Variants in ADAMTS6 observed in about 807,000 individuals in gnomAD.
ADAMTS6 encodes A disintegrin and metalloproteinase with thrombospondin motifs 6.
ADAMTS6 carries 23 observed loss-of-function variants against 144.3 expected under a neutral mutation model. That is an observed-to-expected ratio of 0.16 (90% CI 0.11 to 0.23). ADAMTS6 has a LOEUF of 0.23. Ranked by LOEUF, ADAMTS6 falls within the 10% of genes least tolerant of loss-of-function variation. The pLI is 1.00. For missense variants in ADAMTS6, 999 were observed against 1,379.6 expected, an observed-to-expected ratio of 0.72 and a Z score of 4.37; for synonymous variants, 444 against 457.5, an observed-to-expected ratio of 0.97 and a Z score of 0.38.
chr5:65,164,442 C>T (rs1318707113), intron 24 of ADAMTS6, among the ~76,000 whole-genome samples: 1 of 146,650 alleles, frequency 6.8e-6, no homozygotes, highest in Non-Finnish European at 1.5e-5. Context: ...AAGGCGGCAG[C>T]GAGGCTGGGG....
At chr5:65,379,277 C>T (rs1751825693) in intron 7 of ADAMTS6, among the ~76,000 whole-genome samples, 1 of 152,172 alleles carries the variant, frequency 6.6e-6, no homozygotes, top group South Asian at 2.1e-4. Flanking sequence ...GAATCCAAGT[C>T]TTTAACCTTT....
At chr5:65,297,727 CT>C (rs1742983289) in intron 10 of ADAMTS6, among the ~76,000 whole-genome samples, 1 of 152,088 alleles carries the variant, frequency 6.6e-6, no homozygotes, top group African/African-American at 2.4e-5. Flanking sequence ...GTGAACTGAC[CT>C]TTTTAAAGAG....
At chr5:65,384,061 C>T (rs1156487360) in intron 7 of ADAMTS6, among the ~76,000 whole-genome samples, 2 of 152,202 alleles carry the variant, frequency 1.3e-5, no homozygotes, top group Admixed American at 1.3e-4. Flanking sequence ...CGTTCTGACC[C>T]TGTGATGGGT....
chr5:65,385,161 T>A (rs1041271055), intron 7 of ADAMTS6, among the ~76,000 whole-genome samples: 1 of 152,188 alleles, frequency 6.6e-6, no homozygotes, highest in African/African-American at 2.4e-5. Flanking sequence ...GGGACATACA[T>A]TCAGATCATA....
At chr5:65,452,317 AT>A in intron 5 of ADAMTS6, 101 bp from the exon 6 acceptor site, 2 of 921,328 alleles carry the variant, frequency 2.2e-6, no homozygotes, top group East Asian at 5.2e-5. Flanking sequence ...AAATTTAGCC[AT>A]TGTATACATT....
At chr5:65,239,171 G>A (rs935633285) in intron 15 of ADAMTS6, among the ~76,000 whole-genome samples, 20 of 151,566 alleles carry the variant, frequency 1.3e-4, no homozygotes, top group Non-Finnish European at 1.2e-4. Context: ...AATGTAAATG[G>A]CGAGTCAATG....
At chr5:65,312,358 G>A (rs1447296505) in intron 9 of ADAMTS6, among the ~76,000 whole-genome samples, 1 of 151,916 alleles carries the variant, frequency 6.6e-6, no homozygotes. Context: ...ATACATAACT[G>A]AGCTTGACTA....
intron 15 of ADAMTS6, among the ~76,000 whole-genome samples, chr5:65,232,187 AT>A (rs1429112053): frequency 3.3e-5 from 5 of 152,168 alleles, no homozygotes; most frequent in Non-Finnish European, 2.9e-5. Flanking sequence ...GAAACACAGC[AT>A]TCCAAAACTT....
At chr5:65,212,677 C>G (rs1033338360) in intron 20 of ADAMTS6, among the ~76,000 whole-genome samples, 1 of 151,804 alleles carries the variant, frequency 6.6e-6, no homozygotes, top group African/African-American at 2.4e-5. Flanking sequence ...TCATTTAATC[C>G]TTTCTTGGTC....
intron 7 of ADAMTS6, among the ~76,000 whole-genome samples, chr5:65,431,091 T>C (rs1246229362): frequency 6.6e-6 from 1 of 152,212 alleles, no homozygotes; most frequent in Non-Finnish European, 1.5e-5. Flanking sequence ...AATGAATGAA[T>C]AAATGCAGTT....
intron 7 of ADAMTS6, among the ~76,000 whole-genome samples, chr5:65,339,686 T>C (rs946828737): frequency 2.0e-5 from 3 of 151,296 alleles, no homozygotes; most frequent in Non-Finnish European, 3.0e-5. Context: ...AGAGAAATAC[T>C]AGAATAGAAG....
At chr5:65,379,269 A>G (rs976026386) in intron 7 of ADAMTS6, among the ~76,000 whole-genome samples, 8 of 152,180 alleles carry the variant, frequency 5.3e-5, no homozygotes, top group Admixed American at 4.6e-4. Context: ...GACATGGTGA[A>G]TCCAAGTCTT....
chr5:65,180,724 G>T (rs1754296532), intron 22 of ADAMTS6, among the ~76,000 whole-genome samples: 1 of 151,940 alleles, frequency 6.6e-6, no homozygotes, highest in South Asian at 2.1e-4. Flanking sequence ...ATCCCTTAAT[G>T]GCTTACTATT....
intron 7 of ADAMTS6, among the ~76,000 whole-genome samples, chr5:65,359,793 CT>C (rs1487830878): frequency 2.7e-5 from 4 of 150,626 alleles, no homozygotes; most frequent in Non-Finnish European, 5.9e-5. Flanking sequence ...CGTGTAGAGT[CT>C]AAAAAAAAAA....
chr5:65,463,547 C>T (rs1311769317), intron 3 of ADAMTS6, among the ~76,000 whole-genome samples: 1 of 152,194 alleles, frequency 6.6e-6, no homozygotes, highest in Non-Finnish European at 1.5e-5. Context: ...CACCTTTACA[C>T]TATCTGCCTC....
Position 65,333,997 on chromosome 5 carries a change from TAAAAAAAAAAAAA to T in ADAMTS6, c.1117+32_1117+44del, listed in dbSNP as rs750637450. The T allele has an allele frequency of 8.5e-4, 715 of 842,420 alleles. 6 individuals carry two copies. The African/African-American group carries it at 0.014, about 17-fold the overall frequency. The allele number at this position is 842,420 out of a possible 1,614,324, so 52.2% of individuals were successfully genotyped here. A position where few individuals can be genotyped will look rare whatever the true frequency, so the allele number is the denominator to read the frequency against. ...ACAATCAGAACCATTCTACCTTTAT[TAAAAAAAAAAAAA>T]AAAAAAAAAAAAAAAACCAAAAAAA... On this transcript the variant is annotated intron_variant, in intron 8 of 24. Coordinates refer to ENST00000381055, the MANE Select transcript of ADAMTS6 (RefSeq NM_197941.4).
chr5:65,287,229 A>G (rs1741762506), intron 11 of ADAMTS6, among the ~76,000 whole-genome samples: 1 of 152,142 alleles, frequency 6.6e-6, no homozygotes, highest in Admixed American at 6.6e-5. Flanking sequence ...ATAACTTATG[A>G]CCCTAAAAAA....
intron 20 of ADAMTS6, among the ~76,000 whole-genome samples, chr5:65,200,418 T>C (rs1021310959): frequency 2.0e-5 from 3 of 152,234 alleles, no homozygotes; most frequent in African/African-American, 7.2e-5. Flanking sequence ...CTCTTGTACA[T>C]AACTTCTTTT....
At chr5:65,219,075 C>T (rs527476932) in intron 18 of ADAMTS6, among the ~76,000 whole-genome samples, 21 of 151,742 alleles carry the variant, frequency 1.4e-4, no homozygotes, top group South Asian at 8.3e-4. Flanking sequence ...GAGGATTAAA[C>T]GGAAAAAAAA....
Sources: gnomAD v4.1 joint callset for allele counts (sites outside exome capture counted in the v4.1 genomes callset) on GRCh38, gnomAD v4.1.1 for gene constraint, MANE v1.5 for transcripts, NCBI Gene and HGNC (gene_info 2026-07-23, HGNC 2026-07-21) for gene names.